Variants in LYRM7 observed in about 807,000 individuals in gnomAD.
The protein encoded by LYRM7 is complex III assembly factor LYRM7.
LYRM7 carries 9 observed loss-of-function variants against 15.8 expected under a neutral mutation model. The observed-to-expected ratio is 0.57, with a 90% CI of 0.34 to 0.99. The LOEUF (loss-of-function observed/expected upper bound fraction) is 0.99, where lower values mean the gene tolerates loss of function less well. Among genes scored for constraint, LYRM7 ranks in the 50% least tolerant of loss-of-function variants. The pLI is 0.02. For missense variants in LYRM7, 115 were observed against 119.1 expected, an observed-to-expected ratio of 0.97 and a Z score of 0.16; for synonymous variants, 39 against 39.4, an observed-to-expected ratio of 0.99 and a Z score of 0.04.
chr5:131,182,258 A>C lies in LYRM7; in HGVS notation c.121A>C (p.Lys41Gln), dbSNP rs762952204. The change falls in exon 3 of 5, where the codon AAA becomes CAA. Residue 41 changes from lysine to glutamine, a missense_variant. Lys to Gln is a moderately conservative substitution (Grantham distance 53). Coordinates refer to ENST00000379380, the MANE Select transcript of LYRM7 (RefSeq NM_181705.4). ...CAGAATAAAGATAAATGAAGAATTC[A>C]AAAATAATAAAAGTGAAACTTCTTC... ...AARIKINEEFKNNKSETSSKK... is the reference protein window; with the variant it reads ...AARIKINEEFQNNKSETSSKK... 3 of 1,437,020 alleles carry C rather than the reference A, an allele frequency of 2.1e-6. No individual in the cohort carries two copies. In the African/African-American group the frequency reaches 4.3e-5, roughly 21 times the overall value. 89.0% of individuals were successfully genotyped at this position (1,437,020 alleles called of 1,614,324 possible).
rs764684067 is a variant in LYRM7 at position 131,204,170 on chromosome 5, C to T, written c.*4569C>T. On this transcript the variant is annotated 3_prime_UTR_variant, in exon 5 of 5. Coordinates refer to ENST00000379380, the MANE Select transcript of LYRM7 (RefSeq NM_181705.4). ...CTGGACTCAAACTTCTGGACTCAAG[C>T]AATCCTCGCAACATCATTAATAGCT... The T allele has an allele frequency of 6.6e-5, 10 of 151,364 alleles. No homozygotes were observed. Among genetic ancestry groups the T allele is most frequent in the African/African-American group, 9.7e-5 (4 of 41,222 alleles). 9.4% of individuals were successfully genotyped at this position (151,364 alleles called of 1,614,324 possible). A position where few individuals can be genotyped will look rare whatever the true frequency, so the allele number is the denominator to read the frequency against.
At chr5:131,184,918 G>A (rs1283385538) in intron 3 of LYRM7, among the ~76,000 whole-genome samples, 2 of 151,954 alleles carry the variant, frequency 1.3e-5, no homozygotes, top group East Asian at 3.9e-4. Context: ...CAAAAACCTT[G>A]GTGCTTTCTT....
intron 1 of LYRM7, 127 bp downstream of exon 1, chr5:131,171,165 C>A (rs1267855738): frequency 1.0e-6 from 1 of 999,026 alleles, no homozygotes. Flanking sequence ...TGGCTGTTAC[C>A]CCAGAGAAGC....
chr5:131,173,332 G>A (rs1755551338), intron 1 of LYRM7, among the ~76,000 whole-genome samples: 2 of 152,208 alleles, frequency 1.3e-5, no homozygotes, highest in Admixed American at 1.3e-4. Flanking sequence ...AGCCCACGGC[G>A]ACGAAGTGTA....
Position 131,187,041 on chromosome 5 carries a change from G to A in LYRM7, c.176G>A (p.Gly59Asp). The A allele has an allele frequency of 1.9e-6, 3 of 1,548,724 alleles. No homozygotes were observed. The highest frequency in any genetic ancestry group is 2.6e-6 in the Non-Finnish European group (3 of 1,136,618). The stretch of plus-strand genomic sequence containing the variant: ...TTTTCTTAACAGCTAATGAAAATAG[G>A]TTCTGATGTTGAATTATTACTCAGA... ...SKKIEELMKI[G>D]SDVELLLRTS... The change falls in exon 4 of 5, where the codon GGT becomes GAT. Residue 59 changes from glycine to aspartate, a missense_variant. Transcript: ENST00000379380.
At chr5:131,180,979 C>T (rs1426530944) in intron 2 of LYRM7, among the ~76,000 whole-genome samples, 1 of 151,688 alleles carries the variant, frequency 6.6e-6, no homozygotes, top group African/African-American at 2.4e-5. Flanking sequence ...AACTCTAAAC[C>T]ACCTTACGTA....
In LYRM7 at chr5:131,187,021, T is replaced by A; in HGVS notation, c.163-7T>A. Reference sequence around the variant, plus strand: ...GACTTACTCTATTTGTTTGGTTTTCTTAACAGCTAATGAAAATAGGTTCTG... The same window carrying A: ...GACTTACTCTATTTGTTTGGTTTTCATAACAGCTAATGAAAATAGGTTCTG... On this transcript the variant is annotated splice_region_variant and splice_polypyrimidine_tract_variant and intron_variant, in intron 3 of 4. Coordinates refer to ENST00000379380, the MANE Select transcript of LYRM7 (RefSeq NM_181705.4). 2.0e-6 allele frequency: 3 copies of A among 1,509,456 alleles called. No individual in the cohort carries two copies. In the East Asian group the frequency reaches 7.1e-5, roughly 36 times the overall value. 93.5% of individuals were successfully genotyped at this position (1,509,456 alleles called of 1,614,324 possible).
At chr5:131,190,911 AT>A (rs1337943682) in intron 4 of LYRM7, among the ~76,000 whole-genome samples, 1 of 152,202 alleles carries the variant, frequency 6.6e-6, no homozygotes, top group African/African-American at 2.4e-5. Context: ...CCAACATTTT[AT>A]ACAGGTAATC....
At chr5:131,186,467 C>G (rs900661524) in intron 3 of LYRM7, among the ~76,000 whole-genome samples, 2 of 152,164 alleles carry the variant, frequency 1.3e-5, no homozygotes, top group African/African-American at 4.8e-5. Flanking sequence ...CGTAGTCCCC[C>G]TTTATCATTG....
At chr5:131,183,728 C>G (rs1395026461) in intron 3 of LYRM7, among the ~76,000 whole-genome samples, 4 of 152,124 alleles carry the variant, frequency 2.6e-5, no homozygotes, top group African/African-American at 4.8e-5. Flanking sequence ...CAGCAGTTCT[C>G]AAACGTGGTC....
chr5:131,204,102 G>T lies in LYRM7; in HGVS notation c.*4501G>T, dbSNP rs906049600. 1 of 144,592 alleles carries T rather than the reference G, an allele frequency of 6.9e-6. No homozygotes were observed. Among genetic ancestry groups the T allele is most frequent in the Non-Finnish European group, 1.5e-5 (1 of 66,284 alleles). 9.0% of individuals were successfully genotyped at this position (144,592 alleles called of 1,614,324 possible). A position where few individuals can be genotyped will look rare whatever the true frequency, so the allele number is the denominator to read the frequency against. On this transcript the variant is annotated 3_prime_UTR_variant, in exon 5 of 5. Coordinates refer to ENST00000379380, the MANE Select transcript of LYRM7 (RefSeq NM_181705.4). The stretch of plus-strand genomic sequence containing the variant: ...AATTATAGGGCCTTTTGTTTCTTTG[G>T]GTTTTTTTTTTTTAGAGACAAGATC...
In LYRM7 at chr5:131,200,259, A is replaced by G. The variant is rs995280262; in HGVS notation, c.*658A>G. ...GGAATAAAGAAATCCTAGTTTAAAG[A>G]GGAAATAGTGGCCCTTGATCAAACT... On this transcript the variant is annotated 3_prime_UTR_variant, in exon 5 of 5. Transcript: ENST00000379380. The G allele has an allele frequency of 1.3e-5, 2 of 152,370 alleles. No individual in the cohort carries two copies. Among genetic ancestry groups the G allele is most frequent in the African/African-American group, 2.4e-5 (1 of 41,462 alleles). 9.4% of individuals were successfully genotyped at this position (152,370 alleles called of 1,614,324 possible). A position where few individuals can be genotyped will look rare whatever the true frequency, so the allele number is the denominator to read the frequency against.
chr5:131,185,250 A>C (rs1755779315), intron 3 of LYRM7, among the ~76,000 whole-genome samples: 1 of 152,188 alleles, frequency 6.6e-6, no homozygotes, highest in African/African-American at 2.4e-5. Context: ...TAAAGTGCTT[A>C]ACATGACCTA....
chr5:131,183,542 A>G (rs1219167342), intron 3 of LYRM7, among the ~76,000 whole-genome samples: 2 of 152,214 alleles, frequency 1.3e-5, no homozygotes, highest in South Asian at 4.1e-4. Flanking sequence ...CTTACAGAGC[A>G]TTAATTTAAC....
intron 2 of LYRM7, among the ~76,000 whole-genome samples, chr5:131,181,302 A>AAATATATAT (rs1554089865): frequency 1.1e-4 from 1 of 8,768 alleles, no homozygotes; most frequent in African/African-American, 2.2e-4. Context: ...AAAAAAAAAA[A>AAATATATAT]ATATATATAT....
chr5:131,175,575 C>T (rs900870463), intron 1 of LYRM7, among the ~76,000 whole-genome samples: 1 of 151,450 alleles, frequency 6.6e-6, no homozygotes, highest in African/African-American at 2.4e-5. Flanking sequence ...CACTCTGTCA[C>T]CCAGCCTGCA....
At chr5:131,182,406 T>A (rs1422480240) in intron 3 of LYRM7, 107 bp downstream of exon 3, 3 of 1,051,300 alleles carry the variant, frequency 2.9e-6, no homozygotes, top group Non-Finnish European at 3.8e-6. Flanking sequence ...ACTTGATAGT[T>A]AAGGCCATCA....
chr5:131,184,651 T>A (rs1314667882), intron 3 of LYRM7, among the ~76,000 whole-genome samples: 1 of 129,514 alleles, frequency 7.7e-6, no homozygotes, highest in African/African-American at 3.2e-5. Flanking sequence ...GGGGGGGGGG[T>A]TCCAGGATTC....
At position 131,201,983 on chromosome 5, in the gene LYRM7, G is replaced by C. The variant is rs529717971; in HGVS notation, c.*2382G>C. On this transcript the variant is annotated 3_prime_UTR_variant, in exon 5 of 5. Transcript: ENST00000379380. ...CAAATAGCTGAGACTAGAGGTATGC[G>C]CCACCACACCTAGCTATTTTTTTTA... 6.6e-6 allele frequency: 1 copy of C among 151,884 alleles called. No homozygotes were observed. The highest frequency in any genetic ancestry group is 1.5e-5 in the Non-Finnish European group (1 of 67,996). 9.4% of individuals were successfully genotyped at this position (151,884 alleles called of 1,614,324 possible).
Sources: allele counts gnomAD v4.1 joint callset (sites outside exome capture counted in the v4.1 genomes callset), GRCh38; gene constraint gnomAD v4.1.1; transcripts MANE v1.5; gene names NCBI Gene and HGNC (gene_info 2026-07-23, HGNC 2026-07-21).